PGC: variants seen among roughly 807,000 people sequenced by gnomAD.
PGC encodes the protein gastricsin.
In PGC, 31 loss-of-function variants were observed where a neutral mutation model predicts 45.9. The ratio of observed to expected loss-of-function variants is 0.67; its 90% CI spans 0.51 to 0.91. The LOEUF (loss-of-function observed/expected upper bound fraction) is 0.91. Ranked by LOEUF, PGC falls within the 40% of genes least tolerant of loss-of-function variation. The pLI is 0.00. For synonymous variants in PGC, 192 were observed against 201.8 expected, an observed-to-expected ratio of 0.95 and a Z score of 0.41; for missense variants, 477 against 493.2, an observed-to-expected ratio of 0.97 and a Z score of 0.31.
chr6:41,745,383 C>T (rs1372185503), intron 1 of PGC, among the ~76,000 whole-genome samples: 6 of 151,850 alleles, frequency 4.0e-5, no homozygotes, highest in Non-Finnish European at 7.4e-5. Context: ...GAATTACAGG[C>T]GCCTGTCACC....
chr6:41,747,262 G>T lies in PGC; in HGVS notation c.59+14C>A. On this transcript the variant is annotated intron_variant, in intron 1 of 8. Transcript: ENST00000373025. ...TCCAGGCTCCCTGCACCAGCAGCCA[G>T]ATCCCAGACTCACTTGACCACTGCT... is the stretch of plus-strand genomic sequence containing the variant. 1.9e-6 allele frequency: 3 copies of T among 1,612,244 alleles called. No homozygotes were observed. Among genetic ancestry groups the T allele is most frequent in the Non-Finnish European group, 2.5e-6 (3 of 1,178,304 alleles).
intron 7 of PGC, among the ~76,000 whole-genome samples, chr6:41,738,157 CAT>C (rs5875767): frequency 7.2e-5 from 2 of 27,786 alleles, no homozygotes; most frequent in Admixed American, 3.6e-4. Flanking sequence ...TATATATATA[CAT>C]ATATATGCAT....
At position 41,744,486 on chromosome 6, in the gene PGC, C is replaced by A. The variant is rs1771889870; in HGVS notation, c.239G>T (p.Gly80Val). Residue 80 changes from glycine to valine, a missense_variant, in exon 3 of 9, where the codon GGG becomes GTG. Coordinates refer to ENST00000373025, the MANE Select transcript of PGC (RefSeq NM_002630.4). The surrounding 1 kb of genome is among the most constrained non-coding windows in gnomAD (Gnocchi z 4.4). Reference sequence around the variant, plus strand: ...GACCAGGAAGTTCTGGGGTGGAGTCCCGATGCTGATCTCACCAAAGTAGGC... The same window carrying A: ...GACCAGGAAGTTCTGGGGTGGAGTCACGATGCTGATCTCACCAAAGTAGGC... ...DAAYFGEISIGTPPQNFLVLF... is the reference protein window; with the variant it reads ...DAAYFGEISIVTPPQNFLVLF... 1.2e-6 allele frequency: 2 copies of A among 1,613,836 alleles called. No individual in the cohort carries two copies. Among genetic ancestry groups the A allele is most frequent in the Non-Finnish European group, 1.7e-6 (2 of 1,179,922 alleles).
intron 5 of PGC, chr6:41,741,052 C>A (rs1182018316): frequency 6.5e-7 from 1 of 1,537,072 alleles, no homozygotes; most frequent in African/African-American, 1.4e-5. Flanking sequence ...GCTCTCCTCT[C>A]CCCTCCGCTT....
rs570094910 is a variant in PGC at position 41,740,049 on chromosome 6, T to C, written c.768-103A>G. 9 of 928,134 alleles carry C rather than the reference T, an allele frequency of 9.7e-6. No individual in the cohort carries two copies. The East Asian group carries it at 2.4e-4, about 24-fold the overall frequency. The allele number at this position is 928,134 out of a possible 1,614,324, so 57.5% of individuals were successfully genotyped here. A position where few individuals can be genotyped will look rare whatever the true frequency, so the allele number is the denominator to read the frequency against. ...GGACAAAGAGCTACAGCTACTTTCT[T>C]GAGGAAAGTGAGGACCCTGCAAAGA... On this transcript the variant is annotated intron_variant, in intron 6 of 8. Coordinates refer to ENST00000373025, the MANE Select transcript of PGC (RefSeq NM_002630.4).
rs1279541558 is a variant in PGC at position 41,736,899 on chromosome 6, C to T, written c.1120G>A (p.Val374Ile). 5.0e-6 allele frequency: 8 copies of T among 1,613,966 alleles called. No homozygotes were observed. The East Asian group carries it at 8.9e-5, about 18-fold the overall frequency. ...ACTCTGTTGTTGCCCAAGTCGTAGA[C>T]GGAATAGTAGGACCTGAGGAAGACA... ...GDVFLRSYYSVYDLGNNRVGF... is the reference protein window; with the variant it reads ...GDVFLRSYYSIYDLGNNRVGF... The change falls in exon 9 of 9, where the codon GTC (valine) becomes ATC (isoleucine). Residue 374 changes from valine (V) to isoleucine (I), a missense_variant. Transcript: ENST00000373025.
At position 41,736,892 on chromosome 6, in the gene PGC, T is replaced by TC. The variant is rs1273023341; in HGVS notation, c.1126dup (p.Asp376GlyfsTer33). On this transcript the variant is annotated frameshift_variant, in exon 9 of 9. Transcript: ENST00000373025. LOFTEE classifies it high-confidence loss of function. ...AAAGCCTACTCTGTTGTTGCCCAAGTCGTAGACGGAATAGTAGGACCTGAG... is the reference window on the plus strand; with the variant it reads ...AAAGCCTACTCTGTTGTTGCCCAAGTCCGTAGACGGAATAGTAGGACCTGAG... 6.2e-7 allele frequency: 1 copy of TC among 1,614,104 alleles called. No homozygotes were observed. The highest frequency in any genetic ancestry group is 2.2e-5 in the East Asian group (1 of 44,874).
Position 41,744,345 on chromosome 6 carries a change from T to C in PGC, c.328+52A>G. On this transcript the variant is annotated intron_variant, in intron 3 of 8. Coordinates refer to ENST00000373025, the MANE Select transcript of PGC (RefSeq NM_002630.4). This position sits in a 1 kb window ranked among gnomAD's most constrained non-coding sequence, Gnocchi z 4.4. ...TGGAAGTTTGGCCCTCCCCAGAGGG[T>C]ATCAGTGCCTTGCCCTGCCAACCAC... 7.6e-7 allele frequency: 1 copy of C among 1,309,494 alleles called. No individual in the cohort carries two copies. Among genetic ancestry groups the C allele is most frequent in the Non-Finnish European group, 1.1e-6 (1 of 919,884 alleles). The allele number at this position is 1,309,494 out of a possible 1,614,324, so 81.1% of individuals were successfully genotyped here.
At chr6:41,743,757 T>G (rs1771875491) in intron 3 of PGC, among the ~76,000 whole-genome samples, 1 of 151,760 alleles carries the variant, frequency 6.6e-6, no homozygotes, top group African/African-American at 2.4e-5. Flanking sequence ...ATCCCAGCAT[T>G]CCCCCCAGCC....
chr6:41,746,669 T>C lies in PGC; in HGVS notation c.59+607A>G, dbSNP rs1366278038. 2.0e-5 allele frequency among the ~76,000 whole-genome samples: 3 copies of C among 152,142 alleles called. No homozygotes were observed. The South Asian group carries it at 6.2e-4, about 32-fold the overall frequency. ...ACTAATTAACCACCTCTACCAAATA[T>C]GCATATTGATAGGAGTTTCTGAGAG... is the stretch of plus-strand genomic sequence containing the variant. On this transcript the variant is annotated intron_variant, in intron 1 of 8. Coordinates refer to ENST00000373025, the MANE Select transcript of PGC (RefSeq NM_002630.4).
In PGC at chr6:41,737,990, A is replaced by C. The variant is rs561025643; in HGVS notation, c.916-162T>G. 1.9e-3 allele frequency among the ~76,000 whole-genome samples: 291 copies of C among 151,742 alleles called. 2 individuals are homozygous for C. Among genetic ancestry groups the C allele is most frequent in the Non-Finnish European group, 2.1e-3 (143 of 67,928 alleles). On this transcript the variant is annotated intron_variant, in intron 7 of 8. Coordinates refer to ENST00000373025, the MANE Select transcript of PGC (RefSeq NM_002630.4). ...CTCCAAGGGAAAGTCCTGTGTAGGT[A>C]ATGCTGGCATTATCCCATGGACTCA...
At chr6:41,745,179 TC>T (rs1238456634) in intron 1 of PGC, among the ~76,000 whole-genome samples, 2 of 151,920 alleles carry the variant, frequency 1.3e-5, no homozygotes, top group African/African-American at 4.8e-5. Flanking sequence ...CTGTCAAATA[TC>T]CCATAGATTC....
Position 41,744,908 on chromosome 6 carries a change from C to G in PGC, c.60-100G>C. On this transcript the variant is annotated intron_variant, in intron 1 of 8. Transcript: ENST00000373025. The surrounding 1 kb of genome is among the most constrained non-coding windows in gnomAD (Gnocchi z 4.4). ...TCTCTTAACTGCATGCTTCAACCTC[C>G]CTGCCACTCTGTTTGTTCCCCCTTG... The G allele has an allele frequency of 9.7e-7, 1 of 1,034,852 alleles. No homozygotes were observed. Among genetic ancestry groups the G allele is most frequent in the Admixed American group, 2.2e-5 (1 of 46,240 alleles). The allele number at this position is 1,034,852 out of a possible 1,614,324, so 64.1% of individuals were successfully genotyped here.
At position 41,744,993 on chromosome 6, in the gene PGC, CTCTGTGTG is replaced by C. The variant is rs1445233961; in HGVS notation, c.60-193_60-186del. Among the ~76,000 whole-genome samples, 3 of 132,002 alleles carry C rather than the reference CTCTGTGTG, an allele frequency of 2.3e-5. No individual in the cohort carries two copies. The highest frequency in any genetic ancestry group is 4.7e-5 in the Non-Finnish European group (3 of 63,316). The allele number at this position is 132,002 out of a possible 152,430, so 86.6% of individuals were successfully genotyped here. A position where few individuals can be genotyped will look rare whatever the true frequency, so the allele number is the denominator to read the frequency against. On this transcript the variant is annotated intron_variant, in intron 1 of 8. Transcript: ENST00000373025. The surrounding 1 kb of genome is among the most constrained non-coding windows in gnomAD (Gnocchi z 4.4). ...GCTCTCTGTCTCTGTCTGTCTGTCT[CTCTGTGTG>C]TGTGTGTGTGTGTGCGCGCGCGCGT...
intron 7 of PGC, among the ~76,000 whole-genome samples, chr6:41,738,191 C>T (rs1273130606): frequency 2.7e-4 from 3 of 11,060 alleles, no homozygotes; most frequent in Non-Finnish European, 4.6e-4. Context: ...TATATATATG[C>T]ATATATATAT....
At chr6:41,740,972 G>T in intron 5 of PGC, 4 of 1,518,486 alleles carry the variant, frequency 2.6e-6, no homozygotes, top group Non-Finnish European at 3.5e-6. Context: ...AATTCCCAGC[G>T]CCTCAGGCTC....
intron 6 of PGC, 63 bp downstream of exon 6, chr6:41,740,428 G>A: frequency 6.4e-7 from 1 of 1,553,800 alleles, no homozygotes; most frequent in Non-Finnish European, 8.7e-7. Context: ...GTGTGTGTGT[G>A]ACATGGCCTG....
chr6:41,738,241 T>TATATATGC (rs1771751730), intron 7 of PGC, among the ~76,000 whole-genome samples: 4 of 21,792 alleles, frequency 1.8e-4, no homozygotes, highest in African/African-American at 5.7e-4. Context: ...TATATATGTA[T>TATATATGC]ATATATATGC....
At chr6:41,740,076 C>T in intron 6 of PGC, 130 bp from the exon 7 acceptor site, 1 of 754,820 alleles carries the variant, frequency 1.3e-6, no homozygotes, top group Non-Finnish European at 2.2e-6. Context: ...CTGCAAAGAT[C>T]AATCCGGCTA....
Sources: allele counts gnomAD v4.1 joint callset (sites outside exome capture counted in the v4.1 genomes callset), GRCh38; gene constraint gnomAD v4.1.1; non-coding constraint Gnocchi (gnomAD v3.1); transcripts MANE v1.5; gene names NCBI Gene and HGNC (gene_info 2026-07-23, HGNC 2026-07-21).